Variants in XXYLT1 observed in about 807,000 individuals in gnomAD.
The protein encoded by XXYLT1 is xyloside xylosyltransferase 1.
In XXYLT1, 20 loss-of-function variants were observed where a neutral mutation model predicts 28.9. The observed-to-expected ratio is 0.69, with a 90% CI of 0.49 to 1.00. The LOEUF (loss-of-function observed/expected upper bound fraction) is 1.00, where lower values mean the gene tolerates loss of function less well. XXYLT1 is among the 50% of genes least tolerant of loss of function. The pLI is 0.00. For missense variants in XXYLT1, 542 were observed against 560.1 expected, an observed-to-expected ratio of 0.97 and a Z score of 0.33; for synonymous variants, 257 against 253.8, an observed-to-expected ratio of 1.01 and a Z score of -0.12.
intron 3 of XXYLT1, among the ~76,000 whole-genome samples, chr3:195,072,035 G>C (rs1289463500): frequency 2.0e-5 from 3 of 152,160 alleles, no homozygotes; most frequent in Admixed American, 6.5e-5. Context: ...TACCCAGGAG[G>C]GAGAGGACTC....
At position 195,255,370 on chromosome 3, in the gene XXYLT1, CAGT is replaced by C. The variant is rs941983537; in HGVS notation, c.504+15182_504+15184del. The stretch of plus-strand genomic sequence containing the variant: ...CACGAGCTCAGCCCCCAGCAGGACC[CAGT>C]CGGGCTGGGGACTCAGCTCCATCCA... On this transcript the variant is annotated intron_variant, in intron 1 of 3. Coordinates refer to ENST00000310380, the MANE Select transcript of XXYLT1 (RefSeq NM_152531.5). This position sits in a 1 kb window ranked among gnomAD's most constrained non-coding sequence, Gnocchi z 4.5. 2.0e-5 allele frequency among the ~76,000 whole-genome samples: 3 copies of C among 152,192 alleles called. No homozygotes were observed. The highest frequency in any genetic ancestry group is 7.2e-5 in the African/African-American group (3 of 41,454).
chr3:195,090,496 C>T (rs1716071097), intron 3 of XXYLT1, among the ~76,000 whole-genome samples: 1 of 150,310 alleles, frequency 6.7e-6, no homozygotes. Context: ...AAAGACACAA[C>T]ATACCAGAAT....
chr3:195,187,100 T>C (rs889373152), intron 2 of XXYLT1, among the ~76,000 whole-genome samples: 8 of 150,862 alleles, frequency 5.3e-5, no homozygotes, highest in Admixed American at 1.3e-4. Context: ...TAGCCAGGCG[T>C]GGTGGCGGGC....
intron 1 of XXYLT1, among the ~76,000 whole-genome samples, chr3:195,230,026 A>G (rs931428812): frequency 2.0e-5 from 3 of 152,126 alleles, no homozygotes; most frequent in African/African-American, 4.8e-5. Context: ...CCTTTTCTCT[A>G]CATCCTCACC....
At chr3:195,175,827 C>CTTAAAAG (rs1721639667) in intron 2 of XXYLT1, 1 of 1,408,544 alleles carries the variant, frequency 7.1e-7, no homozygotes, top group Non-Finnish European at 9.2e-7. Flanking sequence ...CCTCGATTCC[C>CTTAAAAG]GAGTCACTGC....
intron 3 of XXYLT1, among the ~76,000 whole-genome samples, chr3:195,152,034 T>C (rs1720298974): frequency 6.6e-6 from 1 of 152,096 alleles, no homozygotes; most frequent in African/African-American, 2.4e-5. Flanking sequence ...CAACAGAGGG[T>C]CAGAGAATCC....
intron 3 of XXYLT1, among the ~76,000 whole-genome samples, chr3:195,089,016 T>C (rs1715979880): frequency 6.6e-6 from 1 of 152,112 alleles, no homozygotes; most frequent in Admixed American, 6.5e-5. Context: ...CCAGGAAATA[T>C]GGGACTATGT....
chr3:195,103,315 ACCTGCGTCCATCACCCCACGCCAGCG>A (rs1716893480), intron 3 of XXYLT1, among the ~76,000 whole-genome samples: 1 of 122,884 alleles, frequency 8.1e-6, no homozygotes, highest in South Asian at 2.5e-4. Flanking sequence ...CACACCAGCG[ACCTGCGTCCATCACCCCACGCCAGCG>A]ACCTGCGTCC....
intron 1 of XXYLT1, among the ~76,000 whole-genome samples, chr3:195,229,224 T>G (rs1030293706): frequency 1.3e-5 from 2 of 152,204 alleles, no homozygotes; most frequent in African/African-American, 4.8e-5. Flanking sequence ...ACTATTAAAT[T>G]TAGAAAAACT....
intron 3 of XXYLT1, among the ~76,000 whole-genome samples, chr3:195,082,144 TG>T (rs1250928485): frequency 4.6e-5 from 7 of 152,360 alleles, no homozygotes; most frequent in Non-Finnish European, 8.8e-5. Context: ...GGATCCAGTG[TG>T]GGGCATCTGG....
chr3:195,270,296 C>A, intron 1 of XXYLT1: 1 of 807,032 alleles, frequency 1.2e-6, no homozygotes, highest in Non-Finnish European at 1.8e-6. Context: ...CTCCTGGGGG[C>A]TGCGCTTAAC....
At chr3:195,163,925 CT>C (rs1450146779) in intron 2 of XXYLT1, among the ~76,000 whole-genome samples, 4 of 152,260 alleles carry the variant, frequency 2.6e-5, no homozygotes, top group African/African-American at 2.4e-5. Flanking sequence ...ACTTTGCTTC[CT>C]GCAATGAGGC....
chr3:195,164,902 G>A (rs540428048), intron 2 of XXYLT1, among the ~76,000 whole-genome samples: 7 of 152,144 alleles, frequency 4.6e-5, no homozygotes, highest in South Asian at 2.1e-4. Flanking sequence ...GATGGAGTCC[G>A]TTATGGGAAG....
At chr3:195,167,717 C>T (rs1721199360) in intron 2 of XXYLT1, among the ~76,000 whole-genome samples, 1 of 152,206 alleles carries the variant, frequency 6.6e-6, no homozygotes, top group South Asian at 2.1e-4. Flanking sequence ...CCAAGAAGAG[C>T]TTCCTGGGAT....
intron 2 of XXYLT1, among the ~76,000 whole-genome samples, chr3:195,216,528 A>C (rs1341011501): frequency 6.7e-6 from 1 of 148,936 alleles, no homozygotes; most frequent in African/African-American, 2.5e-5. Context: ...GGAATACTAC[A>C]AACACCTCTA....
chr3:195,074,073 C>T (rs545405507), intron 3 of XXYLT1, among the ~76,000 whole-genome samples: 12 of 152,152 alleles, frequency 7.9e-5, no homozygotes, highest in African/African-American at 1.7e-4. Flanking sequence ...CTTTTGCCTC[C>T]GACTCTTCGT....
intron 3 of XXYLT1, among the ~76,000 whole-genome samples, chr3:195,122,646 C>G (rs1219227298): frequency 6.6e-6 from 1 of 152,206 alleles, no homozygotes; most frequent in Non-Finnish European, 1.5e-5. Context: ...GAGGCGACTG[C>G]CAGCCCCAGC....
intron 2 of XXYLT1, among the ~76,000 whole-genome samples, chr3:195,226,340 C>T (rs1016179183): frequency 7.9e-5 from 12 of 152,170 alleles, no homozygotes; most frequent in Non-Finnish European, 1.3e-4. Context: ...CTAGAAAGAA[C>T]AAGAGCATAA....
intron 3 of XXYLT1, among the ~76,000 whole-genome samples, chr3:195,134,829 GTGTGTGT>G (rs1719089750): frequency 5.3e-5 from 1 of 18,784 alleles, no homozygotes; most frequent in Non-Finnish European, 1.0e-4. Context: ...GAAGAGGGGT[GTGTGTGT>G]GTGTGTGTGT....
Sources: gnomAD v4.1 joint callset for allele counts (sites outside exome capture counted in the v4.1 genomes callset) on GRCh38, gnomAD v4.1.1 for gene constraint, Gnocchi (gnomAD v3.1) non-coding constraint, MANE v1.5 for transcripts, NCBI Gene and HGNC (gene_info 2026-07-23, HGNC 2026-07-21) for gene names.